Variants in ARHGEF11 observed in about 807,000 individuals in gnomAD.
The protein encoded by ARHGEF11 is Rho guanine nucleotide exchange factor 11.
Under a neutral mutation model 193.7 loss-of-function variants are expected in ARHGEF11, and 55 were observed. The observed-to-expected ratio is 0.28, with a 90% confidence interval of 0.23 to 0.36. The LOEUF (loss-of-function observed/expected upper bound fraction) is 0.36. Among genes scored for constraint, ARHGEF11 ranks in the 10% least tolerant of loss-of-function variants. The pLI, the probability that ARHGEF11 is intolerant of heterozygous loss-of-function variation, is 1.00. For synonymous variants in ARHGEF11, 693 were observed against 768.0 expected (o/e 0.90, Z 1.62); for missense variants, 1,723 against 2,005.6 (o/e 0.86, Z 2.69).
rs569802650 is a variant in ARHGEF11, at chr1:156,967,184, A to G, written c.963+803T>C. The stretch of plus-strand genomic sequence containing the variant: ...GTATCATGATGCTGGTTTTAATTTA[A>G]GGTAATGACAGATTTCCTTGAGATG... On this transcript the variant is annotated intron_variant, in intron 11 of 40. Transcript: ENST00000368194. Among the ~76,000 whole-genome samples the G allele has an allele frequency of 1.1e-4, 16 of 152,366 alleles. No individual in the cohort carries two copies. In the South Asian group the frequency reaches 3.3e-3, roughly 32 times the overall value.
chr1:156,991,013 G>T (rs1339574349), intron 1 of ARHGEF11, among the ~76,000 whole-genome samples: 1 of 152,074 alleles, frequency 6.6e-6, no homozygotes, highest in Non-Finnish European at 1.5e-5. Flanking sequence ...ATAAATTTTT[G>T]AGTTCACACT....
At chr1:157,003,404 T>A (rs1667432750) in intron 1 of ARHGEF11, among the ~76,000 whole-genome samples, 1 of 152,226 alleles carries the variant, frequency 6.6e-6, no homozygotes, top group African/African-American at 2.4e-5. Context: ...CTAGGGCTGC[T>A]TGAGTCTATA....
chr1:156,990,931 C>T (rs906812396), intron 1 of ARHGEF11, among the ~76,000 whole-genome samples: 7 of 152,196 alleles, frequency 4.6e-5, no homozygotes, highest in African/African-American at 1.7e-4. Context: ...GATCTGACTG[C>T]TAGGTACTCA....
intron 2 of ARHGEF11, 100 bp downstream of exon 2, chr1:156,985,982 G>A (rs1345817252): frequency 3.0e-5 from 28 of 949,066 alleles, no homozygotes; most frequent in South Asian, 2.1e-4. Flanking sequence ...AGAGCTCTTC[G>A]GCTCAAGCGA....
rs751514897 is a variant in ARHGEF11, at chr1:156,948,548, T to C, written c.1926-50A>G. On this transcript the variant is annotated intron_variant, in intron 22 of 40. Transcript: ENST00000368194. The surrounding 1 kb of genome is among the most constrained non-coding windows in gnomAD (Gnocchi z 4.2). ...TGGGACTTGGGAAGTCAGTGGGCCATGCTTACATCCTGGCTAACTCTTACC... is the reference window on the plus strand; with the variant it reads ...TGGGACTTGGGAAGTCAGTGGGCCACGCTTACATCCTGGCTAACTCTTACC... The C allele has an allele frequency of 4.3e-6, 7 of 1,613,884 alleles. No homozygotes were observed. In the African/African-American group the frequency reaches 9.3e-5, roughly 22 times the overall value.
chr1:156,962,016 G>C (rs1332330264), intron 13 of ARHGEF11, among the ~76,000 whole-genome samples: 2 of 152,212 alleles, frequency 1.3e-5, no homozygotes, highest in African/African-American at 4.8e-5. Context: ...GCTGGGGTCA[G>C]AGTATTTCAG....
chr1:156,941,466 C>T lies in ARHGEF11; in HGVS notation c.3453-33G>A, dbSNP rs761550601. The T allele has an allele frequency of 1.5e-5, 24 of 1,606,076 alleles. No homozygotes were observed. The South Asian group carries it at 2.4e-4, about 16-fold the overall frequency. Reference sequence around the variant, plus strand: ...AGGAAACCAACACAGGATGAGATCCCATGAGATTCCACCCTGGACTCATGC... The same window carrying T: ...AGGAAACCAACACAGGATGAGATCCTATGAGATTCCACCCTGGACTCATGC... On this transcript the variant is annotated intron_variant, in intron 34 of 40. Transcript: ENST00000368194.
intron 2 of ARHGEF11, among the ~76,000 whole-genome samples, chr1:156,985,192 A>G (rs1278446382): frequency 4.6e-5 from 7 of 152,156 alleles, no homozygotes; most frequent in African/African-American, 1.7e-4. Flanking sequence ...ACTGGTTTCA[A>G]GTCCCCAGTA....
At chr1:157,001,556 C>T (rs1667209576) in intron 1 of ARHGEF11, among the ~76,000 whole-genome samples, 1 of 152,212 alleles carries the variant, frequency 6.6e-6, no homozygotes, top group South Asian at 2.1e-4. Flanking sequence ...CAACATGTAG[C>T]TGCCTGATAG....
intron 13 of ARHGEF11, 48 bp downstream of exon 13, chr1:156,963,155 T>C (rs1227536848): frequency 1.5e-5 from 22 of 1,447,006 alleles, no homozygotes; most frequent in Non-Finnish European, 2.0e-5. Context: ...AGGTCCTCTC[T>C]GCCCAGTACC....
At chr1:156,937,131 G>A (rs1655585999) in intron 39 of ARHGEF11, 118 bp downstream of exon 39, 2 of 1,569,078 alleles carry the variant, frequency 1.3e-6, no homozygotes, top group Non-Finnish European at 1.7e-6. Context: ...GCTGGGGGAA[G>A]ATCCCTGGGC....
Position 156,947,489 on chromosome 1 carries a change from G to A in ARHGEF11, c.2342-39C>T, listed in dbSNP as rs188237559. 7.1e-4 allele frequency: 1,092 copies of A among 1,540,878 alleles called. 9 individuals are homozygous for A. In the Middle Eastern group the frequency reaches 0.022, roughly 31 times the overall value. On this transcript the variant is annotated intron_variant, in intron 25 of 40. Coordinates refer to ENST00000368194, the MANE Select transcript of ARHGEF11 (RefSeq NM_198236.3). The stretch of plus-strand genomic sequence containing the variant: ...GTGACAAGGAGGGTAGAAAGCCAGG[G>A]AGAAAACGGATCAGCAAGTATCTAG...
At chr1:156,983,961 A>G (rs1424210092) in intron 3 of ARHGEF11, among the ~76,000 whole-genome samples, 1 of 152,224 alleles carries the variant, frequency 6.6e-6, no homozygotes, top group African/African-American at 2.4e-5. Flanking sequence ...ACCTCTGTAG[A>G]AAGTGACCAT....
chr1:157,038,404 G>A (rs1672330872), intron 1 of ARHGEF11, among the ~76,000 whole-genome samples: 1 of 152,206 alleles, frequency 6.6e-6, no homozygotes, highest in Admixed American at 6.5e-5. Flanking sequence ...TCTTAAGGAA[G>A]TCAACAATGG....
In ARHGEF11 at chr1:156,946,016, T is replaced by C. The variant is rs754047086; in HGVS notation, c.2812+29A>G. The stretch of plus-strand genomic sequence containing the variant: ...AGGGTCTGGCACGAGGCCCACTGCC[T>C]GTGATGCCAGCCCCTCCCCAGGTGC... On this transcript the variant is annotated intron_variant, in intron 29 of 40. Transcript: ENST00000368194. The C allele has an allele frequency of 1.0e-5, 16 of 1,578,812 alleles. No homozygotes were observed. In the Admixed American group the frequency reaches 2.7e-4, roughly 26 times the overall value.
At chr1:156,993,338 A>G (rs1433007730) in intron 1 of ARHGEF11, among the ~76,000 whole-genome samples, 1 of 152,182 alleles carries the variant, frequency 6.6e-6, no homozygotes, top group Non-Finnish European at 1.5e-5. Context: ...TATACATCAC[A>G]TGTGCCCACA....
At chr1:156,977,237 A>G (rs190771476) in intron 6 of ARHGEF11, among the ~76,000 whole-genome samples, 183 bp from the exon 7 acceptor site, 12 of 152,314 alleles carry the variant, frequency 7.9e-5, no homozygotes, top group African/African-American at 1.2e-4. Context: ...TTATGCCTCA[A>G]TTTGGCTGTA....
chr1:156,954,367 G>A (rs1033531918), intron 21 of ARHGEF11, among the ~76,000 whole-genome samples: 1 of 105,954 alleles, frequency 9.4e-6, no homozygotes, highest in Admixed American at 1.3e-4. Context: ...GCCACAGAGT[G>A]AAACTGTGTC....
At chr1:156,979,361 CTTTTT>C (rs36031299) in intron 4 of ARHGEF11, 75 bp from the exon 5 acceptor site, 1,553 of 506,274 alleles carry the variant, frequency 3.1e-3, no homozygotes, top group South Asian at 6.5e-3. Context: ...CAAAATGCCA[CTTTTT>C]TTTTTTTTTT....
Sources: allele counts gnomAD v4.1 joint callset (sites outside exome capture counted in the v4.1 genomes callset), GRCh38; gene constraint gnomAD v4.1.1; non-coding constraint Gnocchi (gnomAD v3.1); transcripts MANE v1.5; gene names NCBI Gene and HGNC (gene_info 2026-07-23, HGNC 2026-07-21).